The following SEC14L5 variants were observed in gnomAD, a reference collection of about 807,000 sequenced individuals.
The protein encoded by SEC14L5 is SEC14 like lipid binding 5.
SEC14L5 carries 96 observed loss-of-function variants against 84.6 expected under a neutral mutation model. The ratio of observed to expected loss-of-function variants is 1.13; its 90% CI spans 0.96 to 1.34. The LOEUF is 1.34. Among genes scored for constraint, SEC14L5 ranks in the 40% most tolerant of loss-of-function variants. The pLI, the probability that SEC14L5 is intolerant of heterozygous loss-of-function variation, is 0.00. For synonymous variants in SEC14L5, 546 were observed against 383.4 expected (o/e 1.42, Z -4.95); for missense variants, 1,224 against 942.5 (o/e 1.30, Z -3.91).
intron 6 of SEC14L5, among the ~76,000 whole-genome samples, chr16:4,992,262 C>A (rs1049483108): frequency 4.6e-5 from 7 of 152,006 alleles, no homozygotes; most frequent in African/African-American, 1.7e-4. Flanking sequence ...CTTTTCTTTT[C>A]TTTTTTGAGA....
chr16:5,008,341 A>G (rs1437960557), intron 13 of SEC14L5, 80 bp from the exon 14 acceptor site: 6 of 1,021,692 alleles, frequency 5.9e-6, no homozygotes, highest in African/African-American at 1.6e-5. Flanking sequence ...GGGCACCCAC[A>G]GCCCCTCCTG....
intron 10 of SEC14L5, among the ~76,000 whole-genome samples, chr16:5,001,563 T>A (rs1193299143): frequency 6.6e-6 from 1 of 152,042 alleles, no homozygotes; most frequent in Non-Finnish European, 1.5e-5. Flanking sequence ...ACAGCCTGAC[T>A]TTGCTTTTTG....
intron 8 of SEC14L5, among the ~76,000 whole-genome samples, chr16:4,998,424 T>A (rs771859653): frequency 7.9e-5 from 12 of 152,026 alleles, no homozygotes; most frequent in Non-Finnish European, 1.8e-4. Flanking sequence ...CCTACGACAC[T>A]TTCCAATGTC....
At chr16:5,013,768 G>C (rs940275346) in intron 15 of SEC14L5, among the ~76,000 whole-genome samples, 129 of 152,080 alleles carry the variant, frequency 8.5e-4, no homozygotes, top group African/African-American at 3.1e-3. Context: ...ATGTTAGCCA[G>C]GCTGGTGTCG....
At chr16:4,969,165 C>A (rs1340458658) in intron 2 of SEC14L5, among the ~76,000 whole-genome samples, 1 of 152,246 alleles carries the variant, frequency 6.6e-6, no homozygotes, top group Non-Finnish European at 1.5e-5. Flanking sequence ...AGAGGTGATC[C>A]ACTGCCCTGC....
At chr16:4,998,131 G>C (rs1955631819) in intron 8 of SEC14L5, among the ~76,000 whole-genome samples, 1 of 150,690 alleles carries the variant, frequency 6.6e-6, no homozygotes, top group African/African-American at 2.4e-5. Flanking sequence ...TCAGCCTCCT[G>C]AGTAGCTGGG....
At chr16:5,014,820 C>T in intron 15 of SEC14L5, 39 bp from the exon 16 acceptor site, 1 of 1,515,762 alleles carries the variant, frequency 6.6e-7, no homozygotes, top group Non-Finnish European at 9.2e-7. Flanking sequence ...GGCCTTGTCA[C>T]TGTGAGAGGG....
In SEC14L5 at chr16:4,996,872, C is replaced by G. The variant is rs1368232243; in HGVS notation, c.798C>G (p.His266Gln). The G allele has an allele frequency of 6.2e-7, 1 of 1,612,432 alleles. No homozygotes were observed. The highest frequency in any genetic ancestry group is 8.5e-7 in the Non-Finnish European group (1 of 1,179,278). Reference protein sequence around the residue: ...THKGKIPKDEHILRFLRAHDF... With the variant: ...THKGKIPKDEQILRFLRAHDF... ...TCTCTCAGATTCCCAAAGATGAGCA[C>G]ATCCTTCGGTTCCTGCGGGCTCATG... Residue 266 changes from histidine to glutamine, a missense_variant, in exon 8 of 16, where the codon CAC becomes CAG. Physicochemically the swap from His to Gln is conservative, Grantham distance 24. Coordinates refer to ENST00000251170, the MANE Select transcript of SEC14L5 (RefSeq NM_014692.2).
rs1955894740 is a variant in SEC14L5 at position 5,018,073 on chromosome 16, A to C, written c.*3103A>C. ...CTAGCTGTGTAACCTTGACCAGGTG[A>C]CTTAACCTCTCTGTGCCTCAGTTTC... On this transcript the variant is annotated 3_prime_UTR_variant, in exon 16 of 16. Transcript: ENST00000251170. 6.6e-6 allele frequency: 1 copy of C among 152,368 alleles called. No individual in the cohort carries two copies. Among genetic ancestry groups the C allele is most frequent in the African/African-American group, 2.4e-5 (1 of 41,466 alleles). 9.4% of individuals were successfully genotyped at this position (152,368 alleles called of 1,614,324 possible).
At chr16:4,994,828 G>A (rs1347203117) in intron 6 of SEC14L5, among the ~76,000 whole-genome samples, 1 of 152,036 alleles carries the variant, frequency 6.6e-6, no homozygotes, top group Admixed American at 6.6e-5. Flanking sequence ...GGCACTCAGG[G>A]TGGCGGGCAG....
At chr16:4,961,199 G>A (rs1955116858) in intron 2 of SEC14L5, among the ~76,000 whole-genome samples, 2 of 152,054 alleles carry the variant, frequency 1.3e-5, no homozygotes, top group South Asian at 4.2e-4. Context: ...CTTGAACCCA[G>A]GAGGCAGACG....
chr16:4,958,567 T>G (rs1196856213), intron 1 of SEC14L5, 122 bp downstream of exon 1: 1 of 152,750 alleles, frequency 6.5e-6, no homozygotes, highest in Non-Finnish European at 1.5e-5. Flanking sequence ...TGAGCAAAGC[T>G]GCGGGGACCT....
intron 2 of SEC14L5, among the ~76,000 whole-genome samples, chr16:4,965,740 C>G (rs912806532): frequency 2.2e-5 from 3 of 138,770 alleles, no homozygotes; most frequent in South Asian, 2.5e-4. Flanking sequence ...TTTGAAGATT[C>G]TATTTTAAAT....
chr16:5,000,573 C>G, intron 8 of SEC14L5, 82 bp from the exon 9 acceptor site: 1 of 1,064,186 alleles, frequency 9.4e-7, no homozygotes, highest in South Asian at 1.4e-5. Context: ...AGGTGAAGCT[C>G]TCACCTGCAG....
chr16:4,972,593 C>T (rs1339264847), intron 2 of SEC14L5, among the ~76,000 whole-genome samples: 2 of 152,200 alleles, frequency 1.3e-5, no homozygotes, highest in Non-Finnish European at 2.9e-5. Flanking sequence ...AATAGTTGTC[C>T]TTTTGTCTCT....
intron 7 of SEC14L5, 62 bp from the exon 8 acceptor site, chr16:4,996,793 T>C: frequency 2.9e-6 from 4 of 1,356,404 alleles, no homozygotes; most frequent in East Asian, 2.3e-5. Context: ...GCTGGTTCTG[T>C]AATTTTATCT....
chr16:4,962,253 C>G (rs1373684187), intron 2 of SEC14L5, among the ~76,000 whole-genome samples: 1 of 151,872 alleles, frequency 6.6e-6, no homozygotes, highest in Non-Finnish European at 1.5e-5. Context: ...AATGTACTCG[C>G]ATTGCCTGTA....
chr16:5,011,587 A>C (rs544425213), intron 15 of SEC14L5, among the ~76,000 whole-genome samples: 1 of 152,128 alleles, frequency 6.6e-6, no homozygotes, highest in East Asian at 1.9e-4. Flanking sequence ...GCTTCCCCTC[A>C]CTCCTAGAAT....
chr16:4,991,759 G>A (rs1341473633), intron 5 of SEC14L5, 79 bp from the exon 6 acceptor site: 2 of 952,144 alleles, frequency 2.1e-6, no homozygotes, highest in Non-Finnish European at 3.1e-6. Flanking sequence ...GCCGGCTGGG[G>A]GTGACTCCCT....
Sources: allele counts gnomAD v4.1 joint callset (sites outside exome capture counted in the v4.1 genomes callset), GRCh38; gene constraint gnomAD v4.1.1; transcripts MANE v1.5; gene names NCBI Gene and HGNC (gene_info 2026-07-23, HGNC 2026-07-21).